The following FARS2 variants were observed in gnomAD, a reference collection of about 807,000 sequenced individuals.
FARS2 encodes the protein phenylalanyl-tRNA synthetase 2, mitochondrial, also known as phenylalanine--tRNA ligase, mitochondrial.
In FARS2, 40 loss-of-function variants were observed where a neutral mutation model predicts 46.4. The ratio of observed to expected loss-of-function variants is 0.86; its 90% CI spans 0.67 to 1.12. FARS2 has a LOEUF of 1.12. FARS2 is among the 50% of genes most tolerant of loss of function. The pLI, the probability that FARS2 is intolerant of heterozygous loss-of-function variation, is 0.00. For missense variants in FARS2, 513 were observed against 567.9 expected, an observed-to-expected ratio of 0.90 and a Z score of 0.98; for synonymous variants, 234 against 214.9, an observed-to-expected ratio of 1.09 and a Z score of -0.78.
intron 6 of FARS2, among the ~76,000 whole-genome samples, chr6:5,738,200 C>T (rs1337694043): frequency 1.3e-5 from 2 of 152,230 alleles, no homozygotes; most frequent in Non-Finnish European, 2.9e-5. Context: ...ATCCTCCTGC[C>T]TTGGCCTCCC....
chr6:5,406,289 A>G (rs1042845643), intron 3 of FARS2, among the ~76,000 whole-genome samples: 8 of 152,226 alleles, frequency 5.3e-5, no homozygotes, highest in African/African-American at 1.2e-4. Flanking sequence ...TTGACATACA[A>G]TGAACTGCAC....
chr6:5,609,155 C>T, intron 5 of FARS2: 3 of 794,788 alleles, frequency 3.8e-6, no homozygotes, highest in Non-Finnish European at 6.4e-6. Flanking sequence ...GCTGAGTTCA[C>T]AAATCCGTTG....
chr6:5,701,673 G>A (rs561163075), intron 6 of FARS2, among the ~76,000 whole-genome samples: 2 of 152,190 alleles, frequency 1.3e-5, no homozygotes, highest in African/African-American at 2.4e-5. Context: ...ATCCCTAAAC[G>A]AACAGTAGCA....
In FARS2 at chr6:5,336,878, A is replaced by G. The variant is rs904557009; in HGVS notation, c.-21-31672A>G. On this transcript the variant is annotated intron_variant, in intron 1 of 6. Transcript: ENST00000274680. ...TAAACATCAGAAGTTTTAAATTTTC[A>G]TGTGGTCAAATGTATGTATCTTTCA... Among the ~76,000 whole-genome samples the G allele has an allele frequency of 2.0e-5, 3 of 152,062 alleles. No individual in the cohort carries two copies. The East Asian group carries it at 5.8e-4, about 29-fold the overall frequency.
intron 4 of FARS2, among the ~76,000 whole-genome samples, chr6:5,495,372 A>G (rs1338358243): frequency 6.6e-6 from 1 of 152,192 alleles, no homozygotes; most frequent in Non-Finnish European, 1.5e-5. Context: ...TCCCCTTGGT[A>G]AACCCCTGTG....
chr6:5,685,876 A>C (rs115496462), intron 6 of FARS2, among the ~76,000 whole-genome samples: 3,337 of 152,262 alleles, frequency 0.022, 127 homozygotes, highest in African/African-American at 0.074. Flanking sequence ...CTCTCCTTGT[A>C]TTAGCAAAAA....
chr6:5,723,199 G>A (rs1389369443), intron 6 of FARS2, among the ~76,000 whole-genome samples: 9 of 152,180 alleles, frequency 5.9e-5, no homozygotes, highest in Admixed American at 5.2e-4. Context: ...GTCGGGAGCC[G>A]TGGGTCATGA....
chr6:5,324,849 A>C (rs376633277), intron 1 of FARS2, among the ~76,000 whole-genome samples: 1 of 152,052 alleles, frequency 6.6e-6, no homozygotes, highest in East Asian at 1.9e-4. Flanking sequence ...AGAGAGAGTC[A>C]CATGGCTGTC....
At chr6:5,736,679 T>A (rs561327442) in intron 6 of FARS2, among the ~76,000 whole-genome samples, 145 of 150,388 alleles carry the variant, frequency 9.6e-4, no homozygotes, top group African/African-American at 1.6e-3. Context: ...TTTTTTTTTT[T>A]AAAAAATTGC....
intron 4 of FARS2, among the ~76,000 whole-genome samples, chr6:5,469,098 T>C (rs1765670866): frequency 6.6e-6 from 1 of 152,216 alleles, no homozygotes; most frequent in African/African-American, 2.4e-5. Flanking sequence ...CATGAATCCC[T>C]TACACAGATG....
At chr6:5,355,905 C>T (rs1757890609) in intron 1 of FARS2, among the ~76,000 whole-genome samples, 1 of 152,148 alleles carries the variant, frequency 6.6e-6, no homozygotes, top group Non-Finnish European at 1.5e-5. Context: ...TGTGAATTTG[C>T]CTGCTCTCTA....
intron 4 of FARS2, among the ~76,000 whole-genome samples, chr6:5,480,227 T>C (rs1766372940): frequency 6.6e-6 from 1 of 152,212 alleles, no homozygotes; most frequent in Non-Finnish European, 1.5e-5. Context: ...GCGCCAGAAA[T>C]AACAGGGTGA....
chr6:5,484,890 G>A (rs1030013251), intron 4 of FARS2, among the ~76,000 whole-genome samples: 1 of 152,194 alleles, frequency 6.6e-6, no homozygotes, highest in African/African-American at 2.4e-5. Context: ...CTCTCTGAGG[G>A]GGCCTGGACT....
chr6:5,456,722 C>A (rs1300431274), intron 4 of FARS2, among the ~76,000 whole-genome samples: 1 of 79,704 alleles, frequency 1.3e-5, no homozygotes, highest in African/African-American at 4.6e-5. Context: ...CACAGCGAGA[C>A]TCCATCTCAA....
intron 4 of FARS2, among the ~76,000 whole-genome samples, chr6:5,446,158 G>T (rs1446535529): frequency 1.3e-5 from 2 of 151,242 alleles, no homozygotes; most frequent in East Asian, 3.9e-4. Flanking sequence ...AGCTGAGATC[G>T]TGCCACTGCA....
At chr6:5,507,490 CT>C (rs1382946417) in intron 4 of FARS2, among the ~76,000 whole-genome samples, 1 of 152,096 alleles carries the variant, frequency 6.6e-6, no homozygotes, top group Non-Finnish European at 1.5e-5. Flanking sequence ...ATTTTTAGTA[CT>C]TTCACTTATG....
intron 6 of FARS2, among the ~76,000 whole-genome samples, chr6:5,616,010 T>TAAAAAAAAAAAAAAAAAAAAAAAAA (rs11327256): frequency 1.0e-5 from 1 of 95,830 alleles, no homozygotes; most frequent in Non-Finnish European, 2.1e-5. Context: ...CCATAGCTCT[T>TAAAAAAAAAAAAAAAAAAAAAAAAA]AAAAAAAAAA....
At chr6:5,537,466 C>CCCGGGCTTCCTCTCGAGT (rs1554106448) in intron 4 of FARS2, among the ~76,000 whole-genome samples, 1 of 120,868 alleles carries the variant, frequency 8.3e-6, no homozygotes, top group South Asian at 2.8e-4. Flanking sequence ...TCCTCTCGAG[C>CCCGGGCTTCCTCTCGAGT]TGGAGATGTC....
At chr6:5,596,301 C>T (rs754544634) in intron 5 of FARS2, among the ~76,000 whole-genome samples, 2 of 152,244 alleles carry the variant, frequency 1.3e-5, no homozygotes, top group Non-Finnish European at 2.9e-5. Flanking sequence ...GCTCATTAAC[C>T]GTGCACCCCT....
Sources: allele counts gnomAD v4.1 joint callset (sites outside exome capture counted in the v4.1 genomes callset), GRCh38; gene constraint gnomAD v4.1.1; transcripts MANE v1.5; gene names NCBI Gene and HGNC (gene_info 2026-07-23, HGNC 2026-07-21).